Variants in CADM2 observed in about 807,000 individuals in gnomAD.
CADM2 encodes the protein cell adhesion molecule 2.
In CADM2, 12 loss-of-function variants were observed where a neutral mutation model predicts 49.8. That is an observed-to-expected ratio of 0.24 (90% CI 0.15 to 0.39). The LOEUF is 0.39. CADM2 is among the 10% of genes least tolerant of loss of function. The probability of loss-of-function intolerance (pLI) is 1.00; values close to 1 mark genes in which losing one functional copy is unlikely to be tolerated. For missense variants in CADM2, 378 were observed against 492.3 expected, an observed-to-expected ratio of 0.77 and a Z score of 2.20; for synonymous variants, 214 against 175.4, an observed-to-expected ratio of 1.22 and a Z score of -1.74.
intron 1 of CADM2, among the ~76,000 whole-genome samples, chr3:85,462,963 G>T (rs1348493429): frequency 6.6e-6 from 1 of 152,078 alleles, no homozygotes; most frequent in African/African-American, 2.4e-5. Context: ...CTGTGACCTG[G>T]AAAACCATTT....
At chr3:85,611,566 G>A (rs1234678892) in intron 1 of CADM2, among the ~76,000 whole-genome samples, 2 of 151,636 alleles carry the variant, frequency 1.3e-5, no homozygotes, top group African/African-American at 4.8e-5. Context: ...TAAACATATA[G>A]CAATAATTTA....
chr3:85,727,768 CA>C (rs1385038638), intron 2 of CADM2, among the ~76,000 whole-genome samples: 1 of 152,036 alleles, frequency 6.6e-6, no homozygotes, highest in East Asian at 1.9e-4. Flanking sequence ...GCACTGGAAT[CA>C]TCAGAGACCA....
At chr3:85,208,305 T>C (rs1287770217) in intron 1 of CADM2, among the ~76,000 whole-genome samples, 1 of 152,154 alleles carries the variant, frequency 6.6e-6, no homozygotes, top group Non-Finnish European at 1.5e-5. Context: ...AGAAACGTTT[T>C]AATAAAAGTA....
chr3:85,558,740 GTAT>G (rs1559909288), intron 1 of CADM2, among the ~76,000 whole-genome samples: 2 of 152,118 alleles, frequency 1.3e-5, no homozygotes, highest in East Asian at 3.9e-4. Flanking sequence ...CCAATATTTA[GTAT>G]GTATGAAGTC....
At position 85,554,806 on chromosome 3, in the gene CADM2, G is replaced by A. The variant is rs553174752; in HGVS notation, c.62-171716G>A. ...ACTCCTGAGCTCAGGCAATCCTCCC[G>A]AGTAGCTAGGAGTACAGGTGGGCAC... On this transcript the variant is annotated intron_variant, in intron 1 of 9. Transcript: ENST00000383699. 1.7e-4 allele frequency among the ~76,000 whole-genome samples: 15 copies of A among 85,966 alleles called. No individual in the cohort carries two copies. The Admixed American group carries it at 1.9e-3, about 11-fold the overall frequency. 56.4% of individuals were successfully genotyped at this position (85,966 alleles called of 152,430 possible). A position where few individuals can be genotyped will look rare whatever the true frequency, so the allele number is the denominator to read the frequency against.
At chr3:85,668,852 T>C (rs2065652560) in intron 1 of CADM2, among the ~76,000 whole-genome samples, 1 of 152,150 alleles carries the variant, frequency 6.6e-6, no homozygotes, top group Non-Finnish European at 1.5e-5. Context: ...AACTTTTGAT[T>C]ATGTGCAATG....
chr3:85,539,652 T>C (rs1015720569), intron 1 of CADM2, among the ~76,000 whole-genome samples: 1 of 152,184 alleles, frequency 6.6e-6, no homozygotes. Context: ...ATGACTGATA[T>C]GTATTCCTCC....
intron 8 of CADM2, among the ~76,000 whole-genome samples, chr3:86,041,453 T>A (rs1338089374): frequency 6.6e-6 from 1 of 152,116 alleles, no homozygotes; most frequent in Non-Finnish European, 1.5e-5. Flanking sequence ...TAAAACAGAC[T>A]TTAAACCGAC....
intron 1 of CADM2, among the ~76,000 whole-genome samples, chr3:85,628,879 T>C (rs2064216771): frequency 6.6e-6 from 1 of 151,356 alleles, no homozygotes; most frequent in Non-Finnish European, 1.5e-5. Flanking sequence ...TTCTTTAATA[T>C]TCTTAAAATT....
chr3:85,305,776 C>A (rs140875874), intron 1 of CADM2, among the ~76,000 whole-genome samples: 59 of 151,716 alleles, frequency 3.9e-4, no homozygotes, highest in African/African-American at 1.4e-3. Flanking sequence ...GAAGTATTAA[C>A]TCATTCAAAT....
At chr3:85,335,934 A>T (rs914732455) in intron 1 of CADM2, among the ~76,000 whole-genome samples, 1 of 151,478 alleles carries the variant, frequency 6.6e-6, no homozygotes, top group Non-Finnish European at 1.5e-5. Context: ...CCATACAAAG[A>T]CAGCCTGTTC....
intron 8 of CADM2, among the ~76,000 whole-genome samples, chr3:85,986,016 A>G (rs1728064860): frequency 6.6e-6 from 1 of 152,064 alleles, no homozygotes; most frequent in Non-Finnish European, 1.5e-5. Flanking sequence ...AAAATAAGCT[A>G]AAGCAAACAC....
intron 5 of CADM2, among the ~76,000 whole-genome samples, chr3:85,903,212 G>T (rs1660630359): frequency 6.6e-6 from 1 of 151,516 alleles, no homozygotes; most frequent in South Asian, 2.1e-4. Context: ...AATAATCTTT[G>T]TTCTGATTAT....
At chr3:86,032,742 A>T (rs917579003) in intron 8 of CADM2, among the ~76,000 whole-genome samples, 1 of 151,966 alleles carries the variant, frequency 6.6e-6, no homozygotes, top group South Asian at 2.1e-4. Context: ...TTTAGAACTT[A>T]TAATTTGACA....
intron 8 of CADM2, among the ~76,000 whole-genome samples, chr3:86,000,600 T>C (rs1577910780): frequency 6.6e-6 from 1 of 151,640 alleles, no homozygotes; most frequent in South Asian, 2.1e-4. Flanking sequence ...AGATGTGAAG[T>C]TGGGGAGTGG....
chr3:85,409,920 T>C (rs1004594692), intron 1 of CADM2, among the ~76,000 whole-genome samples: 4 of 152,142 alleles, frequency 2.6e-5, no homozygotes, highest in African/African-American at 9.7e-5. Context: ...AATCTGTTAA[T>C]ATTGACATCT....
intron 1 of CADM2, among the ~76,000 whole-genome samples, chr3:85,083,937 C>T (rs1233733065): frequency 1.3e-5 from 2 of 152,088 alleles, no homozygotes; most frequent in Admixed American, 6.6e-5. Flanking sequence ...CTATAATGAT[C>T]GATTGCATTT....
chr3:86,031,791 C>T (rs140690992), intron 8 of CADM2, among the ~76,000 whole-genome samples: 4 of 151,566 alleles, frequency 2.6e-5, no homozygotes, highest in Admixed American at 6.6e-5. Flanking sequence ...GTCAACAAAG[C>T]GAGAGTTAGA....
At chr3:85,076,985 C>CAAT (rs957364096) in intron 1 of CADM2, among the ~76,000 whole-genome samples, 1 of 151,986 alleles carries the variant, frequency 6.6e-6, no homozygotes, top group South Asian at 2.1e-4. Flanking sequence ...ATAGTAATAA[C>CAAT]AATAATAATA....
Sources: allele counts gnomAD v4.1 joint callset (sites outside exome capture counted in the v4.1 genomes callset), GRCh38; gene constraint gnomAD v4.1.1; transcripts MANE v1.5; gene names NCBI Gene and HGNC (gene_info 2026-07-23, HGNC 2026-07-21).